Variants in ROR2 observed in about 807,000 individuals in gnomAD.
ROR2 encodes tyrosine-protein kinase transmembrane receptor ROR2.
ROR2 carries 33 observed loss-of-function variants against 74.9 expected under a neutral mutation model. The ratio of observed to expected loss-of-function variants is 0.44; its 90% CI spans 0.33 to 0.59. The LOEUF (loss-of-function observed/expected upper bound fraction) is 0.59, where lower values mean the gene tolerates loss of function less well. Among genes scored for constraint, ROR2 ranks in the 20% least tolerant of loss-of-function variants. ROR2 has a pLI of 0.02. For missense variants in ROR2, 1,216 were observed against 1,313.8 expected (o/e 0.93, Z 1.15); for synonymous variants, 586 against 558.7 (o/e 1.05, Z -0.69).
chr9:91,801,731 T>C (rs1282254778), intron 1 of ROR2, among the ~76,000 whole-genome samples: 2 of 152,190 alleles, frequency 1.3e-5, no homozygotes, highest in Admixed American at 6.5e-5. Context: ...ATTCCACAAG[T>C]TCACTCAACA....
In ROR2 at chr9:91,857,729, GCCC is replaced by G. The variant is rs1291771644; in HGVS notation, c.98-81914_98-81912del. Among the ~76,000 whole-genome samples the G allele has an allele frequency of 8.5e-5, 13 of 152,070 alleles. No homozygotes were observed. In the South Asian group the frequency reaches 1.5e-3, roughly 17 times the overall value. ...GAGGAGCTTAAATCCCCTCCCCTCC[GCCC>G]CCTCCCCACAGCTCCCAGCGATCAA... On this transcript the variant is annotated intron_variant, in intron 1 of 8. Coordinates refer to ENST00000375708, the MANE Select transcript of ROR2 (RefSeq NM_004560.4).
intron 1 of ROR2, among the ~76,000 whole-genome samples, chr9:91,805,255 G>A (rs16907798): frequency 0.1 from 15,194 of 152,204 alleles, 1,270 homozygotes; most frequent in East Asian, 0.3. Context: ...ATGCAGTTCT[G>A]TCCATCCACT....
intron 2 of ROR2, among the ~76,000 whole-genome samples, chr9:91,766,505 G>A (rs1200699440): frequency 6.6e-6 from 1 of 152,152 alleles, no homozygotes; most frequent in Admixed American, 6.5e-5. Flanking sequence ...AAATGAGTCT[G>A]GTCCACCATT....
At chr9:91,865,987 T>A (rs1829620482) in intron 1 of ROR2, among the ~76,000 whole-genome samples, 1 of 152,210 alleles carries the variant, frequency 6.6e-6, no homozygotes, top group African/African-American at 2.4e-5. Flanking sequence ...ATCAAATTAC[T>A]CCAGCCAGGT....
chr9:91,885,235 C>CA (rs1291765754), intron 1 of ROR2, among the ~76,000 whole-genome samples: 1 of 151,602 alleles, frequency 6.6e-6, no homozygotes, highest in African/African-American at 2.4e-5. Context: ...GGCCAGAGAA[C>CA]AAAGCGGGAA....
intron 1 of ROR2, among the ~76,000 whole-genome samples, chr9:91,822,678 A>G (rs932780390): frequency 1.8e-4 from 28 of 152,194 alleles, no homozygotes; most frequent in African/African-American, 6.8e-4. Flanking sequence ...CAAGATAGAT[A>G]CAGAATGTCC....
rs1830787965 is a variant in ROR2, at chr9:91,905,341, A to T, written c.97+44526T>A. On this transcript the variant is annotated intron_variant, in intron 1 of 8. Coordinates refer to ENST00000375708, the MANE Select transcript of ROR2 (RefSeq NM_004560.4). This position sits in a 1 kb window ranked among gnomAD's most constrained non-coding sequence, Gnocchi z 5.3. The stretch of plus-strand genomic sequence containing the variant: ...CATACAATCATACCACACAACACAT[A>T]CACAACCATCACACACCATACACAC... Among the ~76,000 whole-genome samples, 1 of 151,584 alleles carries T rather than the reference A, an allele frequency of 6.6e-6. No homozygotes were observed. The highest frequency in any genetic ancestry group is 1.5e-5 in the Non-Finnish European group (1 of 67,858).
chr9:91,914,256 C>T (rs943847315), intron 1 of ROR2, among the ~76,000 whole-genome samples: 6 of 152,150 alleles, frequency 3.9e-5, no homozygotes, highest in African/African-American at 1.2e-4. Context: ...CCCAGCCAAG[C>T]ATAACGTGGC....
At chr9:91,789,500 G>A (rs947273057) in intron 1 of ROR2, among the ~76,000 whole-genome samples, 6 of 152,062 alleles carry the variant, frequency 3.9e-5, no homozygotes, top group African/African-American at 7.2e-5. Context: ...TTGTAAGACC[G>A]TGCTGATGGA....
At chr9:91,772,245 G>T (rs1256638841) in intron 2 of ROR2, among the ~76,000 whole-genome samples, 1 of 152,194 alleles carries the variant, frequency 6.6e-6, no homozygotes, top group African/African-American at 2.4e-5. Context: ...ACTTCTGGGG[G>T]GCAGTTCACT....
chr9:91,767,908 G>A (rs1029181536), intron 2 of ROR2, among the ~76,000 whole-genome samples: 3 of 152,218 alleles, frequency 2.0e-5, no homozygotes, highest in East Asian at 1.9e-4. Context: ...CCCGCAACCC[G>A]TGAGTGTAAC....
At chr9:91,941,067 G>A (rs1399638193) in intron 1 of ROR2, among the ~76,000 whole-genome samples, 1 of 141,204 alleles carries the variant, frequency 7.1e-6, no homozygotes, top group Non-Finnish European at 1.5e-5. Flanking sequence ...GCGCTATCTC[G>A]GCTCACTGCA....
intron 1 of ROR2, among the ~76,000 whole-genome samples, chr9:91,860,739 C>G (rs1829445856): frequency 6.6e-6 from 1 of 152,058 alleles, no homozygotes; most frequent in Admixed American, 6.5e-5. Context: ...TTTGTTCTAT[C>G]CAGGCCCATT....
intron 1 of ROR2, among the ~76,000 whole-genome samples, chr9:91,866,416 T>TA (rs1564008561): frequency 8.2e-5 from 10 of 121,648 alleles, no homozygotes; most frequent in African/African-American, 3.7e-4. Context: ...CCACGCCCAG[T>TA]CTTTTTTTTT....
chr9:91,724,796 G>C lies in ROR2; in HGVS notation c.1698C>G (p.Val566=). The C allele has an allele frequency of 2.5e-6, 4 of 1,610,198 alleles. No individual in the cohort carries two copies. Among genetic ancestry groups the C allele is most frequent in the Admixed American group, 3.3e-5 (2 of 59,964 alleles). The change falls in exon 9 of 9, where the codon GTC becomes GTG. Residue 566 remains valine (V), a synonymous_variant. Transcript: ENST00000375708. The part of the protein sequence containing the change: ...CSHGDLHEFL[V]MRSPHSDVGS... ...CCACGTCCGAGTGCGGCGAGCGCAT[G>C]ACCAGGAATTCGTGGAGGTCGCCGT...
chr9:91,867,475 C>T (rs1829666720), intron 1 of ROR2, among the ~76,000 whole-genome samples: 4 of 152,088 alleles, frequency 2.6e-5, no homozygotes, highest in Middle Eastern at 6.8e-3. Context: ...TTTTCTGAGA[C>T]GTGGACATAG....
intron 1 of ROR2, among the ~76,000 whole-genome samples, chr9:91,822,287 C>T (rs1035203765): frequency 6.6e-6 from 1 of 152,168 alleles, no homozygotes. Flanking sequence ...GTTTACACAC[C>T]ACCACCAAGG....
chr9:91,741,449 A>G (rs1825244119), intron 4 of ROR2, among the ~76,000 whole-genome samples: 2 of 152,016 alleles, frequency 1.3e-5, no homozygotes, highest in African/African-American at 2.4e-5. Flanking sequence ...TCCTCCACCA[A>G]GACTGGCAAG....
chr9:91,763,161 A>T (rs920928066), intron 2 of ROR2, among the ~76,000 whole-genome samples: 3 of 152,200 alleles, frequency 2.0e-5, no homozygotes, highest in African/African-American at 7.2e-5. Flanking sequence ...AACAGACACC[A>T]GGGCCTACGG....
Sources: allele counts gnomAD v4.1 joint callset (sites outside exome capture counted in the v4.1 genomes callset), GRCh38; gene constraint gnomAD v4.1.1; non-coding constraint Gnocchi (gnomAD v3.1); transcripts MANE v1.5; gene names NCBI Gene and HGNC (gene_info 2026-07-23, HGNC 2026-07-21).